HS3ST4: variants seen among roughly 807,000 people sequenced by gnomAD.
HS3ST4 encodes heparan sulfate-glucosamine 3-sulfotransferase 4.
HS3ST4 carries 17 observed loss-of-function variants against 29.2 expected under a neutral mutation model. The ratio of observed to expected loss-of-function variants is 0.58; its 90% CI spans 0.40 to 0.87. The LOEUF (loss-of-function observed/expected upper bound fraction) is 0.87, where lower values mean the gene tolerates loss of function less well. HS3ST4 is among the 40% of genes least tolerant of loss of function. The pLI is 0.00. For synonymous variants in HS3ST4, 314 were observed against 285.7 expected (o/e 1.10, Z -1.00); for missense variants, 627 against 634.5 (o/e 0.99, Z 0.13).
chr16:25,723,585 G>T (rs925749180), intron 1 of HS3ST4, among the ~76,000 whole-genome samples: 1 of 152,048 alleles, frequency 6.6e-6, no homozygotes, highest in South Asian at 2.1e-4. Flanking sequence ...CTTAGTTTGG[G>T]CCCACATTTT....
intron 1 of HS3ST4, among the ~76,000 whole-genome samples, chr16:26,043,748 G>A (rs1898233240): frequency 6.6e-6 from 1 of 152,154 alleles, no homozygotes; most frequent in Admixed American, 6.5e-5. Flanking sequence ...ACTCCGCTAT[G>A]CTAGTAAAAA....
intron 1 of HS3ST4, among the ~76,000 whole-genome samples, chr16:26,052,875 A>C (rs1339588167): frequency 2.0e-5 from 3 of 152,156 alleles, no homozygotes; most frequent in Non-Finnish European, 2.9e-5. Flanking sequence ...TTATCTCTGG[A>C]GATCATTCCC....
At chr16:25,848,559 G>T (rs1257044838) in intron 1 of HS3ST4, among the ~76,000 whole-genome samples, 3 of 149,774 alleles carry the variant, frequency 2.0e-5, no homozygotes, top group Non-Finnish European at 4.4e-5. Context: ...CAGATTTATT[G>T]ATGTAAATTT....
At chr16:25,853,542 A>G (rs1394224569) in intron 1 of HS3ST4, among the ~76,000 whole-genome samples, 1 of 152,176 alleles carries the variant, frequency 6.6e-6, no homozygotes, top group Non-Finnish European at 1.5e-5. Flanking sequence ...TGTACTTGTC[A>G]TATATGACCT....
rs373092564 is a variant in HS3ST4, at chr16:26,092,870, C to T, written c.735-42742C>T. 4.7e-4 allele frequency among the ~76,000 whole-genome samples: 72 copies of T among 152,180 alleles called. No individual in the cohort carries two copies. In the Middle Eastern group the frequency reaches 0.01, roughly 22 times the overall value. Reference sequence around the variant, plus strand: ...CCATGACAGACTGTACCTGGAAAAACGGGACACTCCCACTCAAATACTGCA... The same window carrying T: ...CCATGACAGACTGTACCTGGAAAAATGGGACACTCCCACTCAAATACTGCA... On this transcript the variant is annotated intron_variant, in intron 1 of 1. Transcript: ENST00000331351.
In HS3ST4 at chr16:25,692,675, T is replaced by C. The variant is rs1413588348; in HGVS notation, c.258T>C (p.Pro86=). The C allele has an allele frequency of 7.1e-6, 9 of 1,267,794 alleles. No individual in the cohort carries two copies. The African/African-American group carries it at 1.1e-4, about 16-fold the overall frequency. 78.5% of individuals were successfully genotyped at this position (1,267,794 alleles called of 1,614,324 possible). A position where few individuals can be genotyped will look rare whatever the true frequency, so the allele number is the denominator to read the frequency against. Reference sequence around the variant, plus strand: ...GCCCGCCGCCACCCTCTCTGCTGCCTACCCCCGTGCGCCTCGGCGCCCCCT... The same window carrying C: ...GCCCGCCGCCACCCTCTCTGCTGCCCACCCCCGTGCGCCTCGGCGCCCCCT... ...PPSPPPPSLL[P]TPVRLGAPSQ... is the part of the protein sequence containing the mutation. Residue 86 remains proline (P), a synonymous_variant, in exon 1 of 2, where the codon CCT becomes CCC. Coordinates refer to ENST00000331351, the MANE Select transcript of HS3ST4 (RefSeq NM_006040.3).
chr16:26,088,470 T>C (rs1023407597), intron 1 of HS3ST4, among the ~76,000 whole-genome samples: 8 of 152,188 alleles, frequency 5.3e-5, no homozygotes, highest in African/African-American at 1.9e-4. Flanking sequence ...TTTGTTGTGG[T>C]AATGTATAGT....
intron 1 of HS3ST4, among the ~76,000 whole-genome samples, chr16:25,853,403 G>T: frequency 6.6e-6 from 1 of 151,410 alleles, no homozygotes. Context: ...TTCTTTCTCT[G>T]GCATAATTTC....
At chr16:25,927,285 AT>A (rs1429494213) in intron 1 of HS3ST4, among the ~76,000 whole-genome samples, 3 of 152,198 alleles carry the variant, frequency 2.0e-5, no homozygotes, top group Non-Finnish European at 4.4e-5. Flanking sequence ...ATTCTTGGGA[AT>A]TTTGAAAGAT....
chr16:26,094,042 A>C (rs949167125), intron 1 of HS3ST4, among the ~76,000 whole-genome samples: 5 of 152,236 alleles, frequency 3.3e-5, no homozygotes, highest in Non-Finnish European at 7.3e-5. Context: ...AATGAAATAA[A>C]GTGAGAGGAC....
intron 1 of HS3ST4, among the ~76,000 whole-genome samples, chr16:25,709,272 G>T (rs1966399731): frequency 6.6e-6 from 1 of 152,136 alleles, no homozygotes; most frequent in South Asian, 2.1e-4. Flanking sequence ...CTTTGTCCTG[G>T]AAGTCTTTGC....
intron 1 of HS3ST4, among the ~76,000 whole-genome samples, chr16:26,092,759 C>T (rs62036772): frequency 4.6e-5 from 7 of 152,182 alleles, no homozygotes; most frequent in South Asian, 4.1e-4. Context: ...GTGCAGCCCA[C>T]GGAGGGTGAG....
intron 1 of HS3ST4, among the ~76,000 whole-genome samples, chr16:25,917,884 A>G (rs139702096): frequency 6.6e-6 from 1 of 152,356 alleles, no homozygotes; most frequent in African/African-American, 2.4e-5. Flanking sequence ...TTTCAAAAAA[A>G]TAAAACAAAC....
chr16:25,853,606 A>T (rs1231149696), intron 1 of HS3ST4, among the ~76,000 whole-genome samples: 1 of 152,194 alleles, frequency 6.6e-6, no homozygotes, highest in Non-Finnish European at 1.5e-5. Context: ...AGTTTTTATC[A>T]TGAAAGGATG....
At chr16:26,104,836 C>G (rs548860232) in intron 1 of HS3ST4, among the ~76,000 whole-genome samples, 1 of 152,270 alleles carries the variant, frequency 6.6e-6, no homozygotes, top group African/African-American at 2.4e-5. Context: ...AAGGCAGGAA[C>G]CTTAAGCAGT....
At chr16:25,990,025 T>G (rs1422124015) in intron 1 of HS3ST4, among the ~76,000 whole-genome samples, 1 of 152,236 alleles carries the variant, frequency 6.6e-6, no homozygotes, top group Middle Eastern at 3.2e-3. Flanking sequence ...GTTGGAATCA[T>G]AGAGTATATA....
intron 1 of HS3ST4, among the ~76,000 whole-genome samples, chr16:25,948,799 G>C (rs1968655521): frequency 6.6e-6 from 1 of 152,124 alleles, no homozygotes; most frequent in Non-Finnish European, 1.5e-5. Flanking sequence ...CCACTCTACG[G>C]AGCACTTACA....
chr16:26,085,018 C>T (rs1898769291), intron 1 of HS3ST4, among the ~76,000 whole-genome samples: 1 of 152,200 alleles, frequency 6.6e-6, no homozygotes, highest in African/African-American at 2.4e-5. Flanking sequence ...ATTGCCTCCT[C>T]CATCCAGTGG....
intron 1 of HS3ST4, chr16:26,032,390 A>G (rs1969539234): frequency 4.8e-6 from 3 of 626,096 alleles, no homozygotes; most frequent in East Asian, 5.5e-5. Flanking sequence ...CCCCAAAAAC[A>G]ACAATGAAGT....
Sources: gnomAD v4.1 joint callset for allele counts (sites outside exome capture counted in the v4.1 genomes callset) on GRCh38, gnomAD v4.1.1 for gene constraint, MANE v1.5 for transcripts, NCBI Gene and HGNC (gene_info 2026-07-23, HGNC 2026-07-21) for gene names.